The following RAB30 variants were observed in gnomAD, a reference collection of about 807,000 sequenced individuals.
RAB30 encodes RAB30, member RAS oncogene family.
In RAB30, 9 loss-of-function variants were observed where a neutral mutation model predicts 25.1. That is an observed-to-expected ratio of 0.36 (90% CI 0.22 to 0.63). The LOEUF (loss-of-function observed/expected upper bound fraction) is 0.63. Among genes scored for constraint, RAB30 ranks in the 20% least tolerant of loss-of-function variants. The pLI is 0.69. For synonymous variants in RAB30, 77 were observed against 86.4 expected, an observed-to-expected ratio of 0.89 and a Z score of 0.60; for missense variants, 140 against 243.5, an observed-to-expected ratio of 0.58 and a Z score of 2.83.
chr11:83,009,676 A>C (rs1215184689), intron 1 of RAB30, among the ~76,000 whole-genome samples: 2 of 152,264 alleles, frequency 1.3e-5, no homozygotes, highest in Non-Finnish European at 2.9e-5. Flanking sequence ...AACTTATTTC[A>C]AGATAAACAG....
chr11:83,015,870 G>T lies in RAB30; in HGVS notation c.-8-18546C>A, dbSNP rs938217660. ...ACAAAGAGATGGGTTGGGCATGGTA[G>T]CTCATGCCTGTAATCTCAACACTTT... On this transcript the variant is annotated intron_variant, in intron 1 of 4. Coordinates refer to ENST00000527633, the MANE Select transcript of RAB30 (RefSeq NM_001286060.2). Among the ~76,000 whole-genome samples, 4 of 152,216 alleles carry T rather than the reference G, an allele frequency of 2.6e-5. 1 individual carries two copies. Among genetic ancestry groups the T allele is most frequent in the Admixed American group, 2.0e-4 (3 of 15,284 alleles).
At chr11:82,995,609 G>A (rs1370379573) in intron 2 of RAB30, among the ~76,000 whole-genome samples, 3 of 152,182 alleles carry the variant, frequency 2.0e-5, no homozygotes, top group African/African-American at 4.8e-5. Flanking sequence ...GGGGTAAAAC[G>A]TAGACATAAA....
At chr11:82,994,255 G>A (rs1264483863) in intron 2 of RAB30, 133 bp from the exon 3 acceptor site, 1 of 705,746 alleles carries the variant, frequency 1.4e-6, no homozygotes, top group Non-Finnish European at 2.4e-6. Context: ...AGAGAACTCT[G>A]GTTACTCTCA....
At chr11:82,988,423 T>C (rs924746416) in intron 3 of RAB30, among the ~76,000 whole-genome samples, 1 of 152,218 alleles carries the variant, frequency 6.6e-6, no homozygotes, top group African/African-American at 2.4e-5. Flanking sequence ...TAAGGTATTA[T>C]CTTTGTTAAA....
intron 1 of RAB30, among the ~76,000 whole-genome samples, chr11:83,029,360 C>G (rs934503374): frequency 6.6e-6 from 1 of 151,698 alleles, no homozygotes; most frequent in African/African-American, 2.4e-5. Flanking sequence ...TTAATCTATC[C>G]CTTTCCCCCC....
intron 1 of RAB30, among the ~76,000 whole-genome samples, chr11:83,009,272 G>A (rs866108064): frequency 9.9e-5 from 15 of 152,044 alleles, no homozygotes; most frequent in African/African-American, 2.9e-4. Flanking sequence ...CACCATGTTC[G>A]CCAGGCTGTT....
chr11:83,068,413 A>T (rs1437411689), intron 1 of RAB30, among the ~76,000 whole-genome samples: 1 of 152,136 alleles, frequency 6.6e-6, no homozygotes, highest in East Asian at 1.9e-4. Flanking sequence ...TGGTCTCTAC[A>T]CATTCACTCT....
intron 2 of RAB30, among the ~76,000 whole-genome samples, chr11:82,994,658 A>T (rs1460609729): frequency 6.6e-6 from 1 of 152,170 alleles, no homozygotes; most frequent in Non-Finnish European, 1.5e-5. Flanking sequence ...GGAATAAGAC[A>T]GTTTTGGGAT....
intron 4 of RAB30, among the ~76,000 whole-genome samples, chr11:82,985,714 CTT>C (rs60932116): frequency 0.14 from 17,976 of 128,732 alleles, 1,441 homozygotes; most frequent in African/African-American, 0.25. Flanking sequence ...CCTTACTTGG[CTT>C]TTTTTTTTTT....
At chr11:83,063,409 C>A (rs969071953) in intron 1 of RAB30, among the ~76,000 whole-genome samples, 1 of 152,088 alleles carries the variant, frequency 6.6e-6, no homozygotes, top group Non-Finnish European at 1.5e-5. Flanking sequence ...GTTAACTAAC[C>A]GTAACTAGAA....
rs376682665 is a variant in RAB30 at position 83,069,713 on chromosome 11, A to G, written c.-9+1978T>C. ...ATTATGAGAACATTTCATGTAGAGC[A>G]TTTAAAAACCTTGCTAATCCATAGG... On this transcript the variant is annotated intron_variant, in intron 1 of 4. Transcript: ENST00000527633. Among the ~76,000 whole-genome samples the G allele has an allele frequency of 1.1e-4, 17 of 152,358 alleles. No homozygotes were observed. The East Asian group carries it at 3.1e-3, about 28-fold the overall frequency.
At chr11:83,047,941 C>T (rs1858268943) in intron 1 of RAB30, among the ~76,000 whole-genome samples, 1 of 152,164 alleles carries the variant, frequency 6.6e-6, no homozygotes, top group Non-Finnish European at 1.5e-5. Flanking sequence ...TCTGCCTTTT[C>T]TCCTTTCCTC....
rs570530253 is a variant in RAB30, at chr11:83,057,915, G to A, written c.-9+13776C>T. The stretch of plus-strand genomic sequence containing the variant: ...CACATGATGGCTAAGAGCTACTGTC[G>A]GCTTTGCCCATCCTACAATGCCAGC... On this transcript the variant is annotated intron_variant, in intron 1 of 4. Coordinates refer to ENST00000527633, the MANE Select transcript of RAB30 (RefSeq NM_001286060.2). 3.3e-5 allele frequency among the ~76,000 whole-genome samples: 5 copies of A among 152,160 alleles called. No individual in the cohort carries two copies. In the East Asian group the frequency reaches 7.7e-4, roughly 23 times the overall value.
intron 2 of RAB30, among the ~76,000 whole-genome samples, chr11:82,996,423 A>G (rs1269403266): frequency 6.6e-6 from 1 of 152,220 alleles, no homozygotes; most frequent in Non-Finnish European, 1.5e-5. Flanking sequence ...AGGTTATCCT[A>G]TGCCTTAGAT....
At chr11:83,064,347 A>G (rs1372567499) in intron 1 of RAB30, among the ~76,000 whole-genome samples, 2 of 152,184 alleles carry the variant, frequency 1.3e-5, no homozygotes, top group Non-Finnish European at 2.9e-5. Flanking sequence ...GACTCAAGCA[A>G]TTCACCTGTC....
intron 1 of RAB30, among the ~76,000 whole-genome samples, chr11:83,015,758 A>T (rs1052497719): frequency 3.5e-4 from 54 of 152,184 alleles, no homozygotes; most frequent in African/African-American, 1.3e-3. Context: ...AAGCTCAGAG[A>T]GGTAGGAAGA....
chr11:83,027,176 C>G (rs1258005580), intron 1 of RAB30, among the ~76,000 whole-genome samples: 2 of 152,052 alleles, frequency 1.3e-5, no homozygotes, highest in Admixed American at 1.3e-4. Context: ...ACAAAGCAAA[C>G]TAAAATATCC....
intron 1 of RAB30, among the ~76,000 whole-genome samples, chr11:83,000,857 C>T (rs1857063534): frequency 6.8e-6 from 1 of 147,108 alleles, no homozygotes. Flanking sequence ...ATCGAGACCA[C>T]GGTGAAACCC....
chr11:82,997,550 G>C, intron 1 of RAB30: 1 of 474,824 alleles, frequency 2.1e-6, no homozygotes, highest in East Asian at 3.7e-5. Flanking sequence ...AAATGACGCA[G>C]ATGTCGTTTC....
Sources: gnomAD v4.1 joint callset for allele counts (sites outside exome capture counted in the v4.1 genomes callset) on GRCh38, gnomAD v4.1.1 for gene constraint, MANE v1.5 for transcripts, NCBI Gene and HGNC (gene_info 2026-07-23, HGNC 2026-07-21) for gene names.